NECAB1: variants seen among roughly 807,000 people sequenced by gnomAD.
NECAB1 encodes N-terminal EF-hand calcium-binding protein 1.
A neutral mutation model predicts 57.5 loss-of-function variants in NECAB1; 29 were observed. The ratio of observed to expected loss-of-function variants is 0.50; its 90% CI spans 0.38 to 0.69. The LOEUF is 0.69. NECAB1 is among the 30% of genes least tolerant of loss of function. The pLI is 0.00. For synonymous variants in NECAB1, 142 were observed against 147.7 expected (o/e 0.96, Z 0.28); for missense variants, 372 against 413.8 (o/e 0.90, Z 0.88).
chr8:90,951,541 G>A (rs1810924662), intron 12 of NECAB1, among the ~76,000 whole-genome samples: 1 of 151,976 alleles, frequency 6.6e-6, no homozygotes, highest in African/African-American at 2.4e-5. Flanking sequence ...GATACAATTT[G>A]TTCATCTACC....
chr8:90,884,108 T>G (rs905202757), intron 5 of NECAB1, among the ~76,000 whole-genome samples: 2 of 152,138 alleles, frequency 1.3e-5, no homozygotes, highest in African/African-American at 2.4e-5. Flanking sequence ...AGCCGTGAAA[T>G]TTTCCAAAAT....
chr8:90,915,365 G>GT (rs963174539), intron 5 of NECAB1, among the ~76,000 whole-genome samples: 2 of 150,938 alleles, frequency 1.3e-5, no homozygotes, highest in African/African-American at 2.4e-5. Flanking sequence ...ATTTTTTGAA[G>GT]TTTTTTTTTA....
At chr8:90,879,930 T>G (rs1808806967) in intron 4 of NECAB1, among the ~76,000 whole-genome samples, 1 of 152,216 alleles carries the variant, frequency 6.6e-6, no homozygotes, top group Non-Finnish European at 1.5e-5. Context: ...TTAACCTAAG[T>G]GTATACAGAC....
intron 2 of NECAB1, among the ~76,000 whole-genome samples, chr8:90,817,928 C>T (rs1439798732): frequency 6.6e-6 from 1 of 151,718 alleles, no homozygotes; most frequent in Admixed American, 6.6e-5. Context: ...CCAGTGAAAC[C>T]ATTTGGTCTG....
At position 90,792,007 on chromosome 8, in the gene NECAB1, T is replaced by C. The variant is rs191019120; in HGVS notation, c.99+22T>C. On this transcript the variant is annotated intron_variant, in intron 1 of 12. Coordinates refer to ENST00000417640, the MANE Select transcript of NECAB1 (RefSeq NM_022351.5). ...CGACGTAAGTACAGATGGTGGGAGC[T>C]GGGCGGTTGCTTCCCAGCACCTTTC... The C allele has an allele frequency of 5.8e-5, 89 of 1,542,798 alleles. No individual in the cohort carries two copies. In the Admixed American group the frequency reaches 1.7e-3, roughly 30 times the overall value.
chr8:90,934,070 T>C (rs1251808711), intron 8 of NECAB1, among the ~76,000 whole-genome samples: 1 of 152,168 alleles, frequency 6.6e-6, no homozygotes, highest in Non-Finnish European at 1.5e-5. Context: ...AAGAAGTAAA[T>C]TTAAAGCAAT....
intron 3 of NECAB1, among the ~76,000 whole-genome samples, chr8:90,844,107 T>C (rs1219629406): frequency 6.6e-6 from 1 of 152,212 alleles, no homozygotes; most frequent in Non-Finnish European, 1.5e-5. Context: ...ATGTTAGAAA[T>C]TTAATTTCAG....
intron 10 of NECAB1, among the ~76,000 whole-genome samples, chr8:90,941,650 C>T (rs955581892): frequency 7.9e-5 from 12 of 152,234 alleles, no homozygotes; most frequent in Admixed American, 5.2e-4. Context: ...ATCCTACTGA[C>T]AGACCCAGGA....
At chr8:90,907,151 T>TGA (rs71266152) in intron 5 of NECAB1, among the ~76,000 whole-genome samples, 1,616 of 102,052 alleles carry the variant, frequency 0.016, 15 homozygotes, top group Middle Eastern at 0.027. Flanking sequence ...TGTGTGTGTG[T>TGA]GAGAGAGAGA....
intron 5 of NECAB1, among the ~76,000 whole-genome samples, chr8:90,909,916 G>A (rs1240404811): frequency 6.6e-6 from 1 of 151,856 alleles, no homozygotes; most frequent in Non-Finnish European, 1.5e-5. Flanking sequence ...TCCTTCCTTA[G>A]AAATTCTATT....
At position 90,812,420 on chromosome 8, in the gene NECAB1, G is replaced by A. The variant is rs112786811; in HGVS notation, c.124+10705G>A. On this transcript the variant is annotated intron_variant, in intron 2 of 12. Transcript: ENST00000417640. ...AAAATGTTATTGTTAATTCTCCATG[G>A]AAATGACATTAAACGGATTTTTTTC... Among the ~76,000 whole-genome samples, 31 of 152,100 alleles carry A rather than the reference G, an allele frequency of 2.0e-4. 1 individual carries two copies. Among genetic ancestry groups the A allele is most frequent in the African/African-American group, 7.2e-4 (30 of 41,490 alleles).
At chr8:90,913,825 G>A (rs1809888104) in intron 5 of NECAB1, among the ~76,000 whole-genome samples, 1 of 152,184 alleles carries the variant, frequency 6.6e-6, no homozygotes, top group Admixed American at 6.5e-5. Context: ...ACCCGGGTCT[G>A]CAGTCTCAAA....
At chr8:90,955,449 T>A (rs1811014204) in intron 12 of NECAB1, 38 bp from the exon 13 acceptor site, 2 of 1,487,860 alleles carry the variant, frequency 1.3e-6, no homozygotes, top group Admixed American at 4.0e-5. Flanking sequence ...CCCTATAAGT[T>A]ATTTTCATTA....
At chr8:90,869,072 G>A (rs1052437722) in intron 3 of NECAB1, among the ~76,000 whole-genome samples, 1 of 152,244 alleles carries the variant, frequency 6.6e-6, no homozygotes, top group Non-Finnish European at 1.5e-5. Context: ...TACAGCTCTT[G>A]TTGTTACTTC....
At position 90,796,204 on chromosome 8, in the gene NECAB1, GC is replaced by G. The variant is rs576278259; in HGVS notation, c.99+4222del. Among the ~76,000 whole-genome samples, 202 of 152,162 alleles carry G rather than the reference GC, an allele frequency of 1.3e-3. 1 individual carries two copies. The highest frequency in any genetic ancestry group is 4.7e-3 in the African/African-American group (195 of 41,496). ...GTAAAACTACCTGCTGGAAGTCTGG[GC>G]CCACCCACCCTGGTAATGGGAGAGA... On this transcript the variant is annotated intron_variant, in intron 1 of 12. Coordinates refer to ENST00000417640, the MANE Select transcript of NECAB1 (RefSeq NM_022351.5).
chr8:90,940,849 G>T lies in NECAB1; in HGVS notation c.811G>T (p.Ala271Ser), dbSNP rs115555424. Residue 271 changes from alanine (A) to serine (S), a missense_variant, in exon 10 of 13, where the codon GCT becomes TCT. Physicochemically the swap from Ala to Ser is moderately conservative, Grantham distance 99. Coordinates refer to ENST00000417640, the MANE Select transcript of NECAB1 (RefSeq NM_022351.5). The stretch of plus-strand genomic sequence containing the variant: ...AGAGGACCTGGAAGAATTCCAGCTC[G>T]CTCTGAAACACTACGTGGAGAGTGC... The part of the protein sequence containing the change: ...IEEDLEEFQL[A>S]LKHYVESASS... The T allele has an allele frequency of 4.0e-3, 6,261 of 1,563,806 alleles. 24 individuals are homozygous for T. Among genetic ancestry groups the T allele is most frequent in the Non-Finnish European group, 4.9e-3 (5,697 of 1,153,700 alleles).
chr8:90,849,920 T>C (rs1000618216), intron 3 of NECAB1, among the ~76,000 whole-genome samples: 5 of 152,312 alleles, frequency 3.3e-5, no homozygotes, highest in African/African-American at 9.6e-5. Context: ...AATTATCTGC[T>C]TTTGCACTTG....
rs528169469 is a variant in NECAB1, at chr8:90,924,953, T to G, written c.495-582T>G. 2.0e-5 allele frequency among the ~76,000 whole-genome samples: 3 copies of G among 151,634 alleles called. No individual in the cohort carries two copies. In the East Asian group the frequency reaches 5.8e-4, roughly 29 times the overall value. ...AGTATATAACATATACTGTATATAG[T>G]ATATAAGATATACTGTATATAATAT... On this transcript the variant is annotated intron_variant, in intron 6 of 12. Transcript: ENST00000417640.
chr8:90,916,609 T>G (rs1809959126), intron 5 of NECAB1, among the ~76,000 whole-genome samples: 1 of 152,196 alleles, frequency 6.6e-6, no homozygotes, highest in Admixed American at 6.5e-5. Flanking sequence ...CCACTCAAGA[T>G]TCTAGAAAAT....
Sources: gnomAD v4.1 joint callset for allele counts (sites outside exome capture counted in the v4.1 genomes callset) on GRCh38, gnomAD v4.1.1 for gene constraint, MANE v1.5 for transcripts, NCBI Gene and HGNC (gene_info 2026-07-23, HGNC 2026-07-21) for gene names.